MYT1L: variants seen among roughly 807,000 people sequenced by gnomAD.
The protein encoded by MYT1L is myelin transcription factor 1-like protein.
Under a neutral mutation model 126.7 loss-of-function variants are expected in MYT1L, and 12 were observed. That is an observed-to-expected ratio of 0.09 (90% CI 0.06 to 0.15). The LOEUF is 0.15. Among genes scored for constraint, MYT1L ranks in the 10% least tolerant of loss-of-function variants. The pLI is 1.00. For missense variants in MYT1L, 979 were observed against 1,585.2 expected (o/e 0.62, Z 6.49); for synonymous variants, 541 against 604.2 (o/e 0.90, Z 1.53).
intron 16 of MYT1L, among the ~76,000 whole-genome samples, chr2:1,888,389 G>C (rs1558283420): frequency 6.6e-6 from 1 of 152,160 alleles, no homozygotes; most frequent in East Asian, 1.9e-4. Flanking sequence ...ACAATGCCTG[G>C]ATATTGAAAT....
chr2:2,017,772 A>G (rs1425003978), intron 4 of MYT1L, among the ~76,000 whole-genome samples: 1 of 151,678 alleles, frequency 6.6e-6, no homozygotes, highest in African/African-American at 2.4e-5. Context: ...ATCCAACAAA[A>G]CACAGAAGGG....
intron 3 of MYT1L, among the ~76,000 whole-genome samples, chr2:2,099,619 AT>A (rs2077822934): frequency 6.6e-6 from 1 of 152,216 alleles, no homozygotes; most frequent in African/African-American, 2.4e-5. Context: ...AGGTACACAC[AT>A]TTACTTAGCA....
intron 2 of MYT1L, among the ~76,000 whole-genome samples, chr2:2,266,069 T>A (rs760419317): frequency 6.6e-6 from 1 of 152,212 alleles, no homozygotes; most frequent in Non-Finnish European, 1.5e-5. Flanking sequence ...CACAGCCTGC[T>A]GATGCTGCAA....
chr2:2,108,277 C>T (rs559500747), intron 3 of MYT1L, among the ~76,000 whole-genome samples: 83 of 152,172 alleles, frequency 5.5e-4, no homozygotes, highest in Non-Finnish European at 1.1e-3. Flanking sequence ...GGCCACACTG[C>T]GTATGCTTTC....
rs575942484 is a variant in MYT1L at position 1,939,450 on chromosome 2, G to A, written c.505+3532C>T. Among the ~76,000 whole-genome samples, 21 of 152,306 alleles carry A rather than the reference G, an allele frequency of 1.4e-4. No individual in the cohort carries two copies. In the East Asian group the frequency reaches 2.5e-3, roughly 18 times the overall value. Reference sequence around the variant, plus strand: ...CCACTGGAAGGGAGGACAAAAGGACGTCTCTGGTAGGCACCGTATGGAATC... The same window carrying A: ...CCACTGGAAGGGAGGACAAAAGGACATCTCTGGTAGGCACCGTATGGAATC... On this transcript the variant is annotated intron_variant, in intron 9 of 24. Coordinates refer to ENST00000647738, the MANE Select transcript of MYT1L (RefSeq NM_001303052.2).
chr2:2,175,472 G>A (rs762397221), intron 2 of MYT1L, among the ~76,000 whole-genome samples: 11 of 152,064 alleles, frequency 7.2e-5, no homozygotes, highest in Middle Eastern at 3.4e-3. Flanking sequence ...TAAAAGCTCC[G>A]TGTGAGATTG....
chr2:1,802,981 G>A (rs1267029295), intron 22 of MYT1L, among the ~76,000 whole-genome samples: 1 of 152,148 alleles, frequency 6.6e-6, no homozygotes, highest in East Asian at 1.9e-4. Flanking sequence ...CAGAAGGGCA[G>A]AAGGGGTACA....
At chr2:2,005,104 G>GTTCTTTCCTGCTTGCC (rs2063081425) in intron 4 of MYT1L, among the ~76,000 whole-genome samples, 1 of 144,994 alleles carries the variant, frequency 6.9e-6, no homozygotes, top group Non-Finnish European at 1.5e-5. Flanking sequence ...TCCTGAATAT[G>GTTCTTTCCTGCTTGCC]TTCTTTCCTG....
At chr2:2,069,309 G>T (rs1259895716) in intron 3 of MYT1L, among the ~76,000 whole-genome samples, 1 of 152,104 alleles carries the variant, frequency 6.6e-6, no homozygotes, top group Non-Finnish European at 1.5e-5. Flanking sequence ...ATTTATGAGT[G>T]AGAACATGCG....
intron 9 of MYT1L, among the ~76,000 whole-genome samples, chr2:1,928,964 G>A (rs1049136033): frequency 1.3e-5 from 2 of 152,174 alleles, no homozygotes; most frequent in African/African-American, 2.4e-5. Context: ...GCCAGGATAA[G>A]GATGTGCAGG....
chr2:2,144,363 C>T (rs2084541720), intron 3 of MYT1L, among the ~76,000 whole-genome samples: 1 of 152,304 alleles, frequency 6.6e-6, no homozygotes, highest in East Asian at 1.9e-4. Flanking sequence ...ACGTTTCCAC[C>T]TGCTGGGCTT....
At chr2:2,230,363 C>T (rs966678812) in intron 2 of MYT1L, among the ~76,000 whole-genome samples, 18 of 152,148 alleles carry the variant, frequency 1.2e-4, no homozygotes, top group Admixed American at 2.6e-4. Flanking sequence ...ACTTCAAGCT[C>T]GAATTTCTGA....
At chr2:1,835,850 C>A (rs1558699545) in intron 21 of MYT1L, among the ~76,000 whole-genome samples, 1 of 152,164 alleles carries the variant, frequency 6.6e-6, no homozygotes. Context: ...CATGGCAGGG[C>A]TCCAGCAGGA....
At chr2:1,877,029 G>C (rs764069527) in intron 18 of MYT1L, among the ~76,000 whole-genome samples, 1 of 152,204 alleles carries the variant, frequency 6.6e-6, no homozygotes, top group Non-Finnish European at 1.5e-5. Context: ...CAGTCAGTCC[G>C]TGGTTCTGTA....
At chr2:2,004,007 C>CTTCTTTCCTGCATGCA (rs1558694445) in intron 4 of MYT1L, among the ~76,000 whole-genome samples, 41 of 130,586 alleles carry the variant, frequency 3.1e-4, no homozygotes, top group Non-Finnish European at 1.7e-4. Flanking sequence ...TCCTGCATGC[C>CTTCTTTCCTGCATGCA]TTCTTTCCTG....
chr2:2,330,561 G>A (rs1256477687), intron 1 of MYT1L, among the ~76,000 whole-genome samples: 1 of 152,024 alleles, frequency 6.6e-6, no homozygotes, highest in East Asian at 1.9e-4. Flanking sequence ...TTACCATCAG[G>A]TAAATTCATC....
intron 8 of MYT1L, among the ~76,000 whole-genome samples, chr2:1,974,259 C>G (rs1190439138): frequency 6.6e-6 from 1 of 152,168 alleles, no homozygotes; most frequent in East Asian, 1.9e-4. Flanking sequence ...CCCCGGCCAC[C>G]TCTGAGTGTG....
At chr2:1,881,326 C>G (rs1042462181) in intron 18 of MYT1L, among the ~76,000 whole-genome samples, 1 of 150,190 alleles carries the variant, frequency 6.7e-6, no homozygotes, top group Non-Finnish European at 1.5e-5. Context: ...GAACCAAGAC[C>G]TGGGTGGTTT....
intron 4 of MYT1L, among the ~76,000 whole-genome samples, chr2:2,028,150 G>A (rs928945382): frequency 1.3e-5 from 2 of 152,264 alleles, no homozygotes; most frequent in African/African-American, 4.8e-5. Flanking sequence ...GCAGATGCTG[G>A]AAGAATGAAG....
Sources: gnomAD v4.1 joint callset for allele counts (sites outside exome capture counted in the v4.1 genomes callset) on GRCh38, gnomAD v4.1.1 for gene constraint, MANE v1.5 for transcripts, NCBI Gene and HGNC (gene_info 2026-07-23, HGNC 2026-07-21) for gene names.